RABGAP1: variants seen among roughly 807,000 people sequenced by gnomAD.
RABGAP1 encodes the protein RAB GTPase activating protein 1.
In RABGAP1, 23 loss-of-function variants were observed where a neutral mutation model predicts 137.6. That is an observed-to-expected ratio of 0.17 (90% confidence interval 0.12 to 0.24). The LOEUF (loss-of-function observed/expected upper bound fraction) is 0.24, where lower values mean the gene tolerates loss of function less well. RABGAP1 is among the 10% of genes least tolerant of loss of function. The probability of loss-of-function intolerance (pLI) is 1.00; values close to 1 mark genes in which losing one functional copy is unlikely to be tolerated. For missense variants in RABGAP1, 906 were observed against 1,275.8 expected (o/e 0.71, Z 4.42); for synonymous variants, 451 against 450.7 (o/e 1.00, Z -0.01).
chr9:123,097,833 A>G lies in RABGAP1; in HGVS notation c.2721A>G (p.Glu907=). 1 of 1,613,480 alleles carries G rather than the reference A, an allele frequency of 6.2e-7. No individual in the cohort carries two copies. The highest frequency in any genetic ancestry group is 8.5e-7 in the Non-Finnish European group (1 of 1,179,746). The change falls in exon 22 of 26, where the codon GAA becomes GAG. Residue 907 remains glutamate, a synonymous_variant. Transcript: ENST00000373647. ...AAGAAGAGAAAAGACGGCTGGAAGA[A>G]GAGTCTGCTCAGGTAAGGGAACTCT... ...DAEEEKRRLE[E]ESAQLKEMCR...
intron 13 of RABGAP1, chr9:123,035,418 C>T (rs370690398): frequency 1.3e-4 from 207 of 1,614,010 alleles, no homozygotes; most frequent in Non-Finnish European, 1.6e-4. Flanking sequence ...GCAACCGCTT[C>T]GCATCCTTCT....
intron 13 of RABGAP1, among the ~76,000 whole-genome samples, chr9:123,038,589 G>A (rs909151879): frequency 6.6e-6 from 1 of 152,048 alleles, no homozygotes; most frequent in Non-Finnish European, 1.5e-5. Flanking sequence ...TTACCAGCAA[G>A]CCAAAATGTA....
chr9:123,040,241 C>G (rs190923503), intron 13 of RABGAP1, among the ~76,000 whole-genome samples: 24 of 152,300 alleles, frequency 1.6e-4, no homozygotes, highest in Admixed American at 1.1e-3. Flanking sequence ...ACCCCCACAG[C>G]ACTGTTTTTT....
At chr9:123,029,528 C>G in intron 13 of RABGAP1, 1 of 805,640 alleles carries the variant, frequency 1.2e-6, no homozygotes, top group Non-Finnish European at 2.2e-6. Flanking sequence ...AATCTTCAGT[C>G]TCTTAGAGAC....
chr9:123,062,720 G>C (rs1249227047), intron 13 of RABGAP1: 1 of 152,122 alleles, frequency 6.6e-6, no homozygotes, highest in African/African-American at 2.4e-5. Flanking sequence ...CAGTTATAGA[G>C]AGTACTTTCA....
chr9:123,074,252 ATGTG>A, intron 16 of RABGAP1, 29 bp from the exon 17 acceptor site: 1 of 1,612,190 alleles, frequency 6.2e-7, no homozygotes, highest in Non-Finnish European at 8.5e-7. Context: ...ACAGATGCAT[ATGTG>A]CCCAGAACTA....
chr9:123,040,953 T>C (rs1163249807), intron 13 of RABGAP1, among the ~76,000 whole-genome samples: 5 of 152,130 alleles, frequency 3.3e-5, no homozygotes. Flanking sequence ...CTATTTATGG[T>C]AATACCCAGA....
chr9:123,045,148 A>G (rs566693530), intron 13 of RABGAP1, among the ~76,000 whole-genome samples: 86 of 152,360 alleles, frequency 5.6e-4, no homozygotes, highest in Non-Finnish European at 9.4e-4. Context: ...AATTCTGTCT[A>G]TCAGCTTTCA....
intron 19 of RABGAP1, among the ~76,000 whole-genome samples, chr9:123,080,758 T>C (rs935851607): frequency 2.0e-5 from 3 of 152,142 alleles, no homozygotes; most frequent in African/African-American, 4.8e-5. Context: ...TTTGAACTTT[T>C]TCATGTGGAA....
intron 13 of RABGAP1, chr9:123,034,704 C>T: frequency 6.2e-7 from 1 of 1,613,404 alleles, no homozygotes; most frequent in East Asian, 2.2e-5. Context: ...TTTCTGGCAA[C>T]ATCATTGTGA....
intron 10 of RABGAP1, among the ~76,000 whole-genome samples, chr9:123,007,369 C>T (rs537911630): frequency 1.4e-5 from 2 of 143,250 alleles, no homozygotes; most frequent in African/African-American, 5.1e-5. Flanking sequence ...GCTACTGAGC[C>T]TGGCTTTTTT....
At chr9:123,097,326 G>C (rs907912349) in intron 21 of RABGAP1, among the ~76,000 whole-genome samples, 13 of 152,214 alleles carry the variant, frequency 8.5e-5, no homozygotes, top group Admixed American at 6.5e-5. Context: ...ACAGCTTGGA[G>C]GAAGAAAACC....
chr9:123,015,492 G>T, intron 11 of RABGAP1, 51 bp from the exon 12 acceptor site: 1 of 1,185,094 alleles, frequency 8.4e-7, no homozygotes, highest in South Asian at 1.4e-5. Flanking sequence ...GTGTTCTTCT[G>T]GCTAGCATAG....
At chr9:122,932,494 A>G in the RABGAP1 span, among the ~76,000 whole-genome samples, 3 of 151,884 alleles carry the variant, frequency 2.0e-5, no homozygotes, top group African/African-American at 7.3e-5. Context: ...ATTCATTTCT[A>G]AGTATTTTCT....
Position 123,070,339 on chromosome 9 carries a change from T to C in RABGAP1, c.1909-11T>C. 6.2e-7 allele frequency: 1 copy of C among 1,613,834 alleles called. No individual in the cohort carries two copies. The highest frequency in any genetic ancestry group is 8.5e-7 in the Non-Finnish European group (1 of 1,179,858). Reference sequence around the variant, plus strand: ...TTCATTTACATTTCCTCTGTGTGTTTTATTTTCCAGGCTTATTCTGTGTAT... The same window carrying C: ...TTCATTTACATTTCCTCTGTGTGTTCTATTTTCCAGGCTTATTCTGTGTAT... On this transcript the variant is annotated splice_polypyrimidine_tract_variant and intron_variant, in intron 14 of 25. Transcript: ENST00000373647. This position sits in a 1 kb window ranked among gnomAD's most constrained non-coding sequence, Gnocchi z 4.4.
upstream of RABGAP1, chr9:122,940,237 T>TGAGG (rs1258618016): frequency 3.3e-5 from 5 of 152,252 alleles, no homozygotes; most frequent in African/African-American, 9.6e-5. Flanking sequence ...GTACATTCAT[T>TGAGG]GAGGACAGGG....
intron 24 of RABGAP1, among the ~76,000 whole-genome samples, chr9:123,100,368 TTAA>T (rs1244778985): frequency 6.6e-6 from 1 of 150,856 alleles, no homozygotes; most frequent in Non-Finnish European, 1.5e-5. Context: ...TTCGTCATAA[TTAA>T]TGTTTAACCA....
At chr9:123,056,893 C>A (rs1281745093) in intron 13 of RABGAP1, among the ~76,000 whole-genome samples, 1 of 152,232 alleles carries the variant, frequency 6.6e-6, no homozygotes, top group Non-Finnish European at 1.5e-5. Flanking sequence ...ACAGACACAG[C>A]AACCATCCGA....
intron 13 of RABGAP1, among the ~76,000 whole-genome samples, chr9:123,021,646 A>T (rs964022644): frequency 6.6e-6 from 1 of 152,212 alleles, no homozygotes; most frequent in Non-Finnish European, 1.5e-5. Flanking sequence ...CAAACATGAG[A>T]TAGGACCTTC....
Sources: gnomAD v4.1 joint callset for allele counts (sites outside exome capture counted in the v4.1 genomes callset) on GRCh38, gnomAD v4.1.1 for gene constraint, Gnocchi (gnomAD v3.1) non-coding constraint, MANE v1.5 for transcripts, NCBI Gene and HGNC (gene_info 2026-07-23, HGNC 2026-07-21) for gene names.